The following PAPPA variants were observed in gnomAD, a reference collection of about 807,000 sequenced individuals.
PAPPA encodes pappalysin-1.
In PAPPA, 60 loss-of-function variants were observed where a neutral mutation model predicts 164.0. The ratio of observed to expected loss-of-function variants is 0.37; its 90% CI spans 0.30 to 0.45. The LOEUF (loss-of-function observed/expected upper bound fraction) is 0.45, where lower values mean the gene tolerates loss of function less well. Ranked by LOEUF, PAPPA falls within the 20% of genes least tolerant of loss-of-function variation. The probability of loss-of-function intolerance (pLI) is 1.00; values close to 1 mark genes in which losing one functional copy is unlikely to be tolerated. For missense variants in PAPPA, 1,782 were observed against 2,087.3 expected (o/e 0.85, Z 2.85); for synonymous variants, 875 against 814.1 (o/e 1.07, Z -1.27).
intron 19 of PAPPA, among the ~76,000 whole-genome samples, chr9:116,374,215 C>T (rs1407857024): frequency 6.6e-6 from 1 of 150,672 alleles, no homozygotes; most frequent in South Asian, 2.1e-4. Context: ...GCCAATGGTG[C>T]TGATGATGAT....
Position 116,347,908 on chromosome 9 carries a change from G to A in PAPPA, c.3964+699G>A, listed in dbSNP as rs1169502228. 6.6e-6 allele frequency among the ~76,000 whole-genome samples: 1 copy of A among 152,216 alleles called. No homozygotes were observed. Among genetic ancestry groups the A allele is most frequent in the East Asian group, 1.9e-4 (1 of 5,196 alleles). ...AGAATGCTGGGACTAGATGTGGAAT[G>A]TGTTAATAACTCCAGACTAGGAAAT... On this transcript the variant is annotated intron_variant, in intron 15 of 21. Transcript: ENST00000328252. The surrounding 1 kb of genome is among the most constrained non-coding windows in gnomAD (Gnocchi z 4.5).
chr9:116,296,135 G>T (rs1845503466), intron 9 of PAPPA, among the ~76,000 whole-genome samples: 1 of 152,298 alleles, frequency 6.6e-6, no homozygotes, highest in East Asian at 1.9e-4. Context: ...ATCCCTTGGG[G>T]TTTAATTTTG....
intron 1 of PAPPA, among the ~76,000 whole-genome samples, chr9:116,182,091 A>T (rs531467387): frequency 1.3e-3 from 192 of 152,308 alleles, no homozygotes; most frequent in Non-Finnish European, 7.5e-4. Context: ...ATAGACCTGC[A>T]TTCTGAGCTG....
intron 2 of PAPPA, 152 bp downstream of exon 2, chr9:116,188,368 A>G (rs1383385037): frequency 3.2e-6 from 2 of 620,660 alleles, no homozygotes; most frequent in Admixed American, 6.0e-5. Flanking sequence ...TACTCGGGTC[A>G]TTGTGGAGAC....
Position 116,235,332 on chromosome 9 carries a change from T to C in PAPPA, c.2427T>C (p.Ser809=). 1 of 1,613,894 alleles carries C rather than the reference T, an allele frequency of 6.2e-7. No individual in the cohort carries two copies. The highest frequency in any genetic ancestry group is 1.1e-5 in the South Asian group (1 of 91,064). The change falls in exon 7 of 22, where the codon TCT becomes TCC. Residue 809 remains serine, a synonymous_variant. Transcript: ENST00000328252. The part of the protein sequence containing the change: ...WVTFVSTDWD[S]SGAVNDIKLL... ...CCTTTGTCTCCACTGACTGGGACTC[T>C]AGTGGAGCTGTCAATGACATCAAAC...
intron 2 of PAPPA, among the ~76,000 whole-genome samples, chr9:116,199,629 A>G (rs186757843): frequency 2.0e-5 from 3 of 152,290 alleles, no homozygotes; most frequent in African/African-American, 7.2e-5. Flanking sequence ...CTCCCAGGAC[A>G]CTTTCAATTC....
Position 116,396,584 on chromosome 9 carries a change from C to T in PAPPA, c.4852C>T (p.Arg1618Trp), listed in dbSNP as rs373780391. The stretch of plus-strand genomic sequence containing the variant: ...GGACCCCCAGGCCCAAGAACACAGC[C>T]GGAAAGACCTCCGGGGATACAGCCA... ...CRDPQAQEHS[R>W]KDLRGYSHG is the part of the protein sequence containing the mutation. The change falls in exon 22 of 22, where the codon CGG becomes TGG. Residue 1618 changes from arginine (R) to tryptophan (W), a missense_variant. This residue lies in a region of PAPPA where 1,324 missense variants were observed against 1,656.9 expected (regional missense o/e 0.80). Coordinates refer to ENST00000328252, the MANE Select transcript of PAPPA (RefSeq NM_002581.5). 44 of 780,800 alleles carry T rather than the reference C, an allele frequency of 5.6e-5. No individual in the cohort carries two copies. The East Asian group carries it at 6.3e-4, about 11-fold the overall frequency. 48.4% of individuals were successfully genotyped at this position (780,800 alleles called of 1,614,324 possible). A position where few individuals can be genotyped will look rare whatever the true frequency, so the allele number is the denominator to read the frequency against.
intron 1 of PAPPA, among the ~76,000 whole-genome samples, chr9:116,171,362 A>G (rs1172516643): frequency 6.6e-6 from 1 of 152,116 alleles, no homozygotes; most frequent in African/African-American, 2.4e-5. Context: ...ACATCTACCT[A>G]TCATATTCCC....
intron 21 of PAPPA, among the ~76,000 whole-genome samples, chr9:116,392,818 G>A (rs1249878495): frequency 6.6e-6 from 1 of 152,168 alleles, no homozygotes; most frequent in Non-Finnish European, 1.5e-5. Flanking sequence ...AAAGACCCTT[G>A]TCTTACAGAT....
chr9:116,400,530 T>C lies in PAPPA; in HGVS notation c.*3914T>C, dbSNP rs981454662. ...TTGTGTCGTTGTGCTTTTCACGTTA[T>C]AAAATGTTTATATTTACCAGTACAG... On this transcript the variant is annotated 3_prime_UTR_variant, in exon 22 of 22. Transcript: ENST00000328252. The C allele has an allele frequency of 6.6e-6, 1 of 152,166 alleles. No individual in the cohort carries two copies. The highest frequency in any genetic ancestry group is 2.4e-5 in the African/African-American group (1 of 41,440). 9.4% of individuals were successfully genotyped at this position (152,166 alleles called of 1,614,324 possible).
At chr9:116,262,399 T>A (rs1054041299) in intron 7 of PAPPA, among the ~76,000 whole-genome samples, 5 of 152,162 alleles carry the variant, frequency 3.3e-5, no homozygotes, top group African/African-American at 1.2e-4. Context: ...AAATCAGAAG[T>A]AGCCAAAATA....
chr9:116,316,619 C>T (rs1428128472), intron 10 of PAPPA: 1 of 152,200 alleles, frequency 6.6e-6, no homozygotes, highest in Non-Finnish European at 1.5e-5. Flanking sequence ...CCGGTTTGTA[C>T]ATCACAGTCA....
rs1026879358 is a variant in PAPPA, at chr9:116,347,806, T to C, written c.3964+597T>C. 1.2e-4 allele frequency among the ~76,000 whole-genome samples: 18 copies of C among 152,040 alleles called. No homozygotes were observed. The highest frequency in any genetic ancestry group is 4.3e-4 in the African/African-American group (18 of 41,394). ...CTCCTGAGCTAGGCACCAGGGCTAT[T>C]GAGGGGAAAAAGACACTGGCATACC... On this transcript the variant is annotated intron_variant, in intron 15 of 21. Transcript: ENST00000328252. This position sits in a 1 kb window ranked among gnomAD's most constrained non-coding sequence, Gnocchi z 4.5.
intron 6 of PAPPA, among the ~76,000 whole-genome samples, 200 bp downstream of exon 6, chr9:116,227,752 G>T (rs1285995234): frequency 2.6e-5 from 4 of 152,108 alleles, no homozygotes; most frequent in African/African-American, 9.7e-5. Flanking sequence ...CTAACATGTT[G>T]TTCTCATATT....
chr9:116,291,818 A>G (rs1341472405), intron 9 of PAPPA, among the ~76,000 whole-genome samples: 1 of 151,344 alleles, frequency 6.6e-6, no homozygotes, highest in African/African-American at 2.4e-5. Context: ...TAAATATTTT[A>G]TTTTTTATTT....
intron 9 of PAPPA, among the ~76,000 whole-genome samples, chr9:116,284,793 A>T (rs748219887): frequency 5.3e-5 from 8 of 152,048 alleles, no homozygotes; most frequent in Non-Finnish European, 1.0e-4. Flanking sequence ...AATAATTGCC[A>T]TTCTTCCCAT....
intron 10 of PAPPA, among the ~76,000 whole-genome samples, chr9:116,319,398 G>A (rs982426950): frequency 2.6e-5 from 4 of 152,202 alleles, no homozygotes; most frequent in African/African-American, 4.8e-5. Flanking sequence ...TCTGCAGAAC[G>A]GGGAGCTGAT....
intron 21 of PAPPA, among the ~76,000 whole-genome samples, chr9:116,390,518 G>T (rs187699413): frequency 6.6e-6 from 1 of 152,218 alleles, no homozygotes; most frequent in East Asian, 1.9e-4. Context: ...TATTCAGGAG[G>T]ATTTGAAGCA....
chr9:116,154,338 C>G lies in PAPPA; in HGVS notation c.166C>G (p.Arg56Gly), dbSNP rs1485228405. 8.5e-6 allele frequency: 7 copies of G among 826,930 alleles called. No individual in the cohort carries two copies. The highest frequency in any genetic ancestry group is 1.9e-5 in the African/African-American group (1 of 51,962). 51.2% of individuals were successfully genotyped at this position (826,930 alleles called of 1,614,324 possible). The change falls in exon 1 of 22, where the codon CGC (arginine) becomes GGC (glycine). Residue 56 changes from arginine to glycine, a missense_variant. By Grantham distance (125) the Arg-to-Gly change is moderately radical. This residue lies in a region of PAPPA where 458 missense variants were observed against 430.3 expected (regional missense o/e 1.06). Coordinates refer to ENST00000328252, the MANE Select transcript of PAPPA (RefSeq NM_002581.5). The surrounding 1 kb of genome is among the most constrained non-coding windows in gnomAD (Gnocchi z 5.2). ...CGCCACCCGGGCGGCCCGCGGCCGC[C>G]GCGCCTCGCCGCCGCCGCCGCCGCC... is the stretch of plus-strand genomic sequence containing the variant. ...TCATRAARGRRASPPPPPPPG... is the reference protein window; with the variant it reads ...TCATRAARGRGASPPPPPPPG...
Sources: gnomAD v4.1 joint callset for allele counts (sites outside exome capture counted in the v4.1 genomes callset) on GRCh38, gnomAD v4.1.1 for gene constraint, gnomAD v4.1.1 regional missense constraint, Gnocchi (gnomAD v3.1) non-coding constraint, MANE v1.5 for transcripts, NCBI Gene and HGNC (gene_info 2026-07-23, HGNC 2026-07-21) for gene names.